Variants in KDM2A observed in about 807,000 individuals in gnomAD.
The protein encoded by KDM2A is lysine demethylase 2A.
KDM2A carries 3 observed loss-of-function variants against 137.3 expected under a neutral mutation model. The observed-to-expected ratio is 0.02, with a 90% CI of 0.01 to 0.06. The LOEUF is 0.06. Ranked by LOEUF, KDM2A falls within the 10% of genes least tolerant of loss-of-function variation. The pLI, the probability that KDM2A is intolerant of heterozygous loss-of-function variation, is 1.00. For missense variants in KDM2A, 738 were observed against 1,510.6 expected, an observed-to-expected ratio of 0.49 and a Z score of 8.48; for synonymous variants, 512 against 541.5, an observed-to-expected ratio of 0.95 and a Z score of 0.76.
At position 67,255,663 on chromosome 11, in the gene KDM2A, C is replaced by T. The variant is rs1191328146; in HGVS notation, c.*608C>T. 2.3e-6 allele frequency: 1 copy of T among 438,268 alleles called. No individual in the cohort carries two copies. The highest frequency in any genetic ancestry group is 2.5e-5 in the Admixed American group (1 of 40,792). 27.1% of individuals were successfully genotyped at this position (438,268 alleles called of 1,614,324 possible). On this transcript the variant is annotated 3_prime_UTR_variant, in exon 21 of 21. Transcript: ENST00000529006. ...CCTCTCCCTTGAGCTTGGTTCTGCC[C>T]AGCACTCGTGCTTGTTCACATAATT...
Position 67,181,828 on chromosome 11 carries a change from C to T in KDM2A, c.261-18C>T. The T allele has an allele frequency of 1.2e-6, 2 of 1,611,234 alleles. No individual in the cohort carries two copies. The highest frequency in any genetic ancestry group is 1.7e-6 in the Non-Finnish European group (2 of 1,177,546). On this transcript the variant is annotated intron_variant, in intron 4 of 20. Transcript: ENST00000529006. ...CAATTGTGTTTTCCATATATACTTA[C>T]TGGTGTTTGTTTCATAGAATGCCGG...
At chr11:67,253,114 TCTC>T (rs1374116948) in intron 18 of KDM2A, among the ~76,000 whole-genome samples, 10 of 152,218 alleles carry the variant, frequency 6.6e-5, no homozygotes, top group Admixed American at 5.2e-4. Context: ...GCCCTGCAGT[TCTC>T]CTCAGCATAA....
chr11:67,207,568 C>A lies in KDM2A; in HGVS notation c.366C>A (p.Thr122=). 2 of 1,613,584 alleles carry A rather than the reference C, an allele frequency of 1.2e-6. No homozygotes were observed. The highest frequency in any genetic ancestry group is 1.7e-6 in the Non-Finnish European group (2 of 1,179,704). The part of the protein sequence containing the change: ...DVNTQKGIEM[T]MAQWTRYYET... ...ACACACAGAAAGGCATTGAAATGAC[C>A]ATGGCTCAGTGGACACGCTACTATG... Residue 122 remains threonine, a synonymous_variant, in exon 6 of 21, where the codon ACC becomes ACA. Coordinates refer to ENST00000529006, the MANE Select transcript of KDM2A (RefSeq NM_012308.3).
chr11:67,248,543 A>C (rs1859317425), intron 16 of KDM2A, 173 bp downstream of exon 16: 2 of 569,714 alleles, frequency 3.5e-6, no homozygotes, highest in Non-Finnish European at 6.2e-6. Flanking sequence ...TTTCTTTGTT[A>C]GAGTTTGTAG....
intron 2 of KDM2A, among the ~76,000 whole-genome samples, chr11:67,149,582 C>A (rs1419397574): frequency 3.9e-5 from 6 of 151,932 alleles, no homozygotes; most frequent in Admixed American, 1.3e-4. Context: ...CAGATGTAAT[C>A]ATTTTATTAG....
At chr11:67,228,707 A>G (rs1411560428) in intron 11 of KDM2A, among the ~76,000 whole-genome samples, 1 of 151,454 alleles carries the variant, frequency 6.6e-6, no homozygotes, top group African/African-American at 2.4e-5. Flanking sequence ...AAAAAAAGAA[A>G]GAAAGAACGA....
At chr11:67,237,896 G>A (rs1858915996) in intron 12 of KDM2A, among the ~76,000 whole-genome samples, 1 of 151,220 alleles carries the variant, frequency 6.6e-6, no homozygotes, top group African/African-American at 2.4e-5. Context: ...CTTTAGCCTG[G>A]GCAACAAAGC....
chr11:67,238,467 A>T (rs192762741), intron 12 of KDM2A, among the ~76,000 whole-genome samples: 1 of 152,238 alleles, frequency 6.6e-6, no homozygotes, highest in Non-Finnish European at 1.5e-5. Flanking sequence ...TTCAAACAAA[A>T]TAAGCCGATT....
intron 5 of KDM2A, among the ~76,000 whole-genome samples, chr11:67,192,505 C>T (rs1167517105): frequency 1.7e-5 from 2 of 118,578 alleles, no homozygotes; most frequent in Non-Finnish European, 3.1e-5. Context: ...AGTGCAGTGG[C>T]GTGATCTTGG....
At chr11:67,161,461 GCA>G (rs749851194) in intron 2 of KDM2A, among the ~76,000 whole-genome samples, 2 of 152,114 alleles carry the variant, frequency 1.3e-5, no homozygotes, top group African/African-American at 2.4e-5. Context: ...ACAGTGTTTT[GCA>G]CAGTTTTTAA....
At chr11:67,149,887 A>G (rs1306589054) in intron 2 of KDM2A, among the ~76,000 whole-genome samples, 2 of 151,978 alleles carry the variant, frequency 1.3e-5, no homozygotes, top group African/African-American at 4.8e-5. Context: ...GTCCCAGCTA[A>G]TTTTGTATTT....
intron 12 of KDM2A, among the ~76,000 whole-genome samples, chr11:67,235,230 T>C (rs1858834575): frequency 6.6e-6 from 1 of 151,950 alleles, no homozygotes. Flanking sequence ...GAGGTTCTGT[T>C]TGGGAGGGGT....
At chr11:67,205,645 AT>A (rs1325032678) in intron 5 of KDM2A, among the ~76,000 whole-genome samples, 2 of 151,320 alleles carry the variant, frequency 1.3e-5, no homozygotes. Context: ...TGTATGTTTA[AT>A]TTTTTTTGTA....
intron 2 of KDM2A, among the ~76,000 whole-genome samples, chr11:67,162,283 ATAAGG>A (rs1188686783): frequency 1.3e-5 from 2 of 152,228 alleles, no homozygotes; most frequent in African/African-American, 4.8e-5. Context: ...TAAGTGCCAA[ATAAGG>A]TCAGGTAAAG....
chr11:67,247,039 A>ATT (rs1859244732), intron 15 of KDM2A, among the ~76,000 whole-genome samples: 1 of 15,288 alleles, frequency 6.5e-5, no homozygotes, highest in East Asian at 1.4e-3. Flanking sequence ...AAATTATTTT[A>ATT]TATATATATA....
At chr11:67,134,931 T>A (rs1052298791) in intron 2 of KDM2A, among the ~76,000 whole-genome samples, 1 of 152,244 alleles carries the variant, frequency 6.6e-6, no homozygotes, top group Non-Finnish European at 1.5e-5. Context: ...AAAACTAACT[T>A]CATGGTCATG....
chr11:67,239,072 CAG>C (rs1245908784), intron 12 of KDM2A, among the ~76,000 whole-genome samples: 3 of 152,318 alleles, frequency 2.0e-5, no homozygotes, highest in Admixed American at 6.5e-5. Context: ...GGTGTCTTGA[CAG>C]GATGCAGGAC....
chr11:67,252,576 C>A, intron 17 of KDM2A, 118 bp from the exon 18 acceptor site: 1 of 1,123,680 alleles, frequency 8.9e-7, no homozygotes, highest in Non-Finnish European at 1.3e-6. Flanking sequence ...GATCCCTGTA[C>A]ACTTGTAGAA....
chr11:67,123,357 A>G (rs1000134459), intron 2 of KDM2A, among the ~76,000 whole-genome samples: 4 of 139,016 alleles, frequency 2.9e-5, no homozygotes, highest in Admixed American at 2.5e-4. Context: ...GCATGCATAT[A>G]TTCCGGTGAG....
Sources: gnomAD v4.1 joint callset for allele counts (sites outside exome capture counted in the v4.1 genomes callset) on GRCh38, gnomAD v4.1.1 for gene constraint, MANE v1.5 for transcripts, NCBI Gene and HGNC (gene_info 2026-07-23, HGNC 2026-07-21) for gene names.